Variants in PDE1C observed in about 807,000 individuals in gnomAD.
PDE1C encodes dual specificity calcium/calmodulin-dependent 3',5'-cyclic nucleotide phosphodiesterase 1C.
A neutral mutation model predicts 93.1 loss-of-function variants in PDE1C; 62 were observed. That is an observed-to-expected ratio of 0.67 (90% CI 0.54 to 0.82). The LOEUF (loss-of-function observed/expected upper bound fraction) is 0.82. PDE1C is among the 40% of genes least tolerant of loss of function. The probability of loss-of-function intolerance (pLI) is 0.00; values close to 1 mark genes in which losing one functional copy is unlikely to be tolerated. For missense variants in PDE1C, 742 were observed against 884.6 expected (o/e 0.84, Z 2.04); for synonymous variants, 325 against 310.1 (o/e 1.05, Z -0.50).
chr7:31,907,456 T>C (rs1319275755), intron 2 of PDE1C, among the ~76,000 whole-genome samples: 1 of 152,212 alleles, frequency 6.6e-6, no homozygotes, highest in Non-Finnish European at 1.5e-5. Flanking sequence ...CAGAGTTATA[T>C]GAACTACTGT....
intron 3 of PDE1C, among the ~76,000 whole-genome samples, chr7:32,087,772 G>A (rs1020153266): frequency 6.7e-6 from 1 of 150,368 alleles, no homozygotes; most frequent in Non-Finnish European, 1.5e-5. Flanking sequence ...AACACCACAT[G>A]TTCTCACTCA....
At chr7:31,730,053 C>T in the PDE1C span, among the ~76,000 whole-genome samples, 9 of 152,178 alleles carry the variant, frequency 5.9e-5, no homozygotes, top group Non-Finnish European at 1.2e-4. Flanking sequence ...TGATTTGATG[C>T]ACCTTCCTCA....
chr7:32,206,777 G>C (rs967597732), intron 2 of PDE1C, among the ~76,000 whole-genome samples: 1 of 152,218 alleles, frequency 6.6e-6, no homozygotes, highest in Non-Finnish European at 1.5e-5. Flanking sequence ...TCTCGCCCCA[G>C]GACAGCTGGC....
At chr7:32,285,695 AAAG>A (rs1017486154) in intron 1 of PDE1C, among the ~76,000 whole-genome samples, 1 of 150,268 alleles carries the variant, frequency 6.7e-6, no homozygotes, top group Non-Finnish European at 1.5e-5. Context: ...GAAGAAGAAG[AAAG>A]AAGGAGAGAG....
the PDE1C span, chr7:31,707,404 C>T: frequency 1.3e-6 from 1 of 775,184 alleles, no homozygotes; most frequent in African/African-American, 1.8e-5. Flanking sequence ...GATTCAGACA[C>T]CTTCTCCCCA....
chr7:31,737,732 C>T, the PDE1C span, among the ~76,000 whole-genome samples: 1 of 140,842 alleles, frequency 7.1e-6, no homozygotes, highest in Non-Finnish European at 1.5e-5. Flanking sequence ...ACTTAGGAGG[C>T]GGAGGTTGCA....
chr7:32,052,838 C>T (rs987592404), intron 1 of PDE1C, among the ~76,000 whole-genome samples: 2 of 152,172 alleles, frequency 1.3e-5, no homozygotes, highest in African/African-American at 4.8e-5. Flanking sequence ...TGAAAGGAGA[C>T]ACACCAGAAT....
At chr7:32,048,766 T>C (rs889531799) in intron 2 of PDE1C, among the ~76,000 whole-genome samples, 13 of 152,274 alleles carry the variant, frequency 8.5e-5, no homozygotes, top group African/African-American at 3.1e-4. Context: ...AGCACATGGA[T>C]CTACTTCATA....
chr7:32,104,143 C>T (rs1349281848), intron 3 of PDE1C, among the ~76,000 whole-genome samples: 2 of 151,970 alleles, frequency 1.3e-5, no homozygotes, highest in African/African-American at 2.4e-5. Flanking sequence ...GTAACATTTC[C>T]AAGAATAAGA....
At chr7:31,900,765 T>C (rs1040109552) in intron 2 of PDE1C, among the ~76,000 whole-genome samples, 2 of 151,840 alleles carry the variant, frequency 1.3e-5, no homozygotes, top group Non-Finnish European at 2.9e-5. Context: ...TGTTTCAGAG[T>C]GTGGTTTTCA....
chr7:32,006,662 G>C (rs1786303359), intron 2 of PDE1C, among the ~76,000 whole-genome samples: 1 of 152,202 alleles, frequency 6.6e-6, no homozygotes, highest in Non-Finnish European at 1.5e-5. Context: ...CATAGGCACA[G>C]CAGGAAACAA....
chr7:31,630,619 G>C, the PDE1C span, among the ~76,000 whole-genome samples: 1 of 152,070 alleles, frequency 6.6e-6, no homozygotes, highest in African/African-American at 2.4e-5. Flanking sequence ...CATCGAGTAT[G>C]TCACATATTT....
intron 2 of PDE1C, among the ~76,000 whole-genome samples, chr7:31,943,002 T>A (rs1202331429): frequency 6.6e-6 from 1 of 152,142 alleles, no homozygotes. Flanking sequence ...GGAGTGTGAA[T>A]GGCTATAGCT....
At chr7:32,079,710 G>A (rs1424067527) in intron 3 of PDE1C, among the ~76,000 whole-genome samples, 1 of 152,248 alleles carries the variant, frequency 6.6e-6, no homozygotes, top group East Asian at 1.9e-4. Flanking sequence ...TTAGGCTCCT[G>A]TACATGGCAG....
intron 14 of PDE1C, among the ~76,000 whole-genome samples, 174 bp downstream of exon 14, chr7:31,822,899 T>G (rs1488813137): frequency 6.6e-6 from 1 of 152,200 alleles, no homozygotes; most frequent in African/African-American, 2.4e-5. Flanking sequence ...GTCTGCTGCA[T>G]TTTATCATGC....
intron 2 of PDE1C, among the ~76,000 whole-genome samples, chr7:32,208,935 C>A (rs1805810272): frequency 6.6e-6 from 1 of 152,190 alleles, no homozygotes; most frequent in Non-Finnish European, 1.5e-5. Context: ...ATCTAAGCTT[C>A]AAAGTGTCAC....
the PDE1C span, chr7:31,696,964 G>C: frequency 6.2e-7 from 1 of 1,613,888 alleles, no homozygotes; most frequent in Non-Finnish European, 8.5e-7. Flanking sequence ...TAACCATGCA[G>C]GTGTGTTTTC....
At chr7:32,065,081 T>G (rs905090763) in intron 1 of PDE1C, among the ~76,000 whole-genome samples, 57 of 107,958 alleles carry the variant, frequency 5.3e-4, no homozygotes, top group Admixed American at 8.2e-4. Flanking sequence ...CGGGGGCCAG[T>G]GAGGGGGAGG....
At chr7:31,658,322 A>G in the PDE1C span, 13 of 1,525,184 alleles carry the variant, frequency 8.5e-6, no homozygotes, top group African/African-American at 1.4e-5. Context: ...TCAAAAGCAA[A>G]TAACTCTGCT....
Sources: allele counts gnomAD v4.1 joint callset (sites outside exome capture counted in the v4.1 genomes callset), GRCh38; gene constraint gnomAD v4.1.1; transcripts MANE v1.5; gene names NCBI Gene and HGNC (gene_info 2026-07-23, HGNC 2026-07-21).